The following AKNAD1 variants were observed in gnomAD, a reference collection of about 807,000 sequenced individuals.
AKNAD1 encodes AKNA domain containing 1.
Under a neutral mutation model 90.8 loss-of-function variants are expected in AKNAD1, and 67 were observed. The ratio of observed to expected loss-of-function variants is 0.74; its 90% confidence interval spans 0.61 to 0.90. The LOEUF is 0.90. AKNAD1 is among the 40% of genes least tolerant of loss of function. AKNAD1 has a pLI of 0.00. For synonymous variants in AKNAD1, 327 were observed against 341.4 expected (o/e 0.96, Z 0.46); for missense variants, 957 against 975.4 (o/e 0.98, Z 0.25).
chr1:108,820,506 T>C (rs200329480), intron 14 of AKNAD1, 39 bp downstream of exon 14: 137 of 1,353,818 alleles, frequency 1.0e-4, no homozygotes, highest in Admixed American at 1.5e-4. Context: ...ACCCAACCAA[T>C]GAGAAATATT....
chr1:108,823,504 T>C lies in AKNAD1; in HGVS notation c.2060-27A>G, dbSNP rs140828781. On this transcript the variant is annotated intron_variant, in intron 12 of 15. Coordinates refer to ENST00000370001, the MANE Select transcript of AKNAD1 (RefSeq NM_152763.5). ...TGGGAAGAAAAGATTAAAAATACAG[T>C]TAATTGCCTGGGAACAGTGACTGTC... 972 of 1,611,282 alleles carry C rather than the reference T, an allele frequency of 6.0e-4. 3 individuals carry two copies. In the African/African-American group the frequency reaches 0.012, roughly 19 times the overall value.
chr1:108,816,987 T>C (rs1663632412), intron 15 of AKNAD1, 61 bp downstream of exon 15: 2 of 1,592,286 alleles, frequency 1.3e-6, no homozygotes, highest in Admixed American at 1.7e-5. Flanking sequence ...GCCAGTTCTG[T>C]GGGCATCAAG....
chr1:108,820,764 G>C (rs1443872206), intron 13 of AKNAD1, 138 bp from the exon 14 acceptor site: 1 of 586,392 alleles, frequency 1.7e-6, no homozygotes, highest in East Asian at 2.9e-5. Flanking sequence ...GGGAAACATA[G>C]ACAACAAAGA....
chr1:108,855,734 C>T (rs371790792), intron 1 of AKNAD1, among the ~76,000 whole-genome samples: 3 of 151,682 alleles, frequency 2.0e-5, no homozygotes, highest in East Asian at 1.9e-4. Context: ...TGCAGTGAGC[C>T]GAGATCATGC....
chr1:108,843,547 G>T (rs1664616080), intron 5 of AKNAD1, among the ~76,000 whole-genome samples: 1 of 152,194 alleles, frequency 6.6e-6, no homozygotes, highest in South Asian at 2.1e-4. Context: ...GCCTTCCTTA[G>T]TGGGACATTC....
intron 13 of AKNAD1, among the ~76,000 whole-genome samples, chr1:108,822,672 G>A (rs1663854739): frequency 6.6e-6 from 1 of 152,156 alleles, no homozygotes; most frequent in South Asian, 2.1e-4. Flanking sequence ...CTGAAGGTAT[G>A]AGGCCAAGGA....
intron 14 of AKNAD1, among the ~76,000 whole-genome samples, chr1:108,817,733 C>G (rs939331992): frequency 2.0e-5 from 3 of 151,590 alleles, no homozygotes; most frequent in Non-Finnish European, 4.4e-5. Context: ...TCTCGATCTC[C>G]TGACCTCGTG....
chr1:108,839,795 A>G (rs1664484774), intron 6 of AKNAD1, among the ~76,000 whole-genome samples: 1 of 152,128 alleles, frequency 6.6e-6, no homozygotes, highest in Admixed American at 6.5e-5. Context: ...ACAGTGTGGG[A>G]GTATCACTTG....
chr1:108,821,422 G>C (rs888947513), intron 13 of AKNAD1, among the ~76,000 whole-genome samples: 27 of 152,026 alleles, frequency 1.8e-4, no homozygotes, highest in African/African-American at 6.5e-4. Context: ...CTGCACTCCA[G>C]CCTGGGTGAC....
rs749175799 is a variant in AKNAD1, at chr1:108,830,588, G to T, written c.1809C>A (p.Ser603Arg). ...CAAGGAGCCTGCGACAGAAGGCACA[G>T]CTCGGACTGGGTGCCGTCATCTCTG... is the stretch of plus-strand genomic sequence containing the variant. The part of the protein sequence containing the change: ...DCAEMTAPSP[S>R]CAFCRRLLEW... Residue 603 changes from serine to arginine, a missense_variant, in exon 10 of 16, where the codon AGC becomes AGA. Physicochemically the swap from Ser to Arg is moderately radical, Grantham distance 110 (BLOSUM62 -1). Transcript: ENST00000370001. 6.2e-7 allele frequency: 1 copy of T among 1,614,068 alleles called. No individual in the cohort carries two copies.
chr1:108,832,286 G>A (rs552256246), intron 9 of AKNAD1, among the ~76,000 whole-genome samples: 45 of 146,292 alleles, frequency 3.1e-4, no homozygotes, highest in Non-Finnish European at 5.1e-4. Context: ...CGCAATCTTG[G>A]CTCACTGCAA....
Position 108,837,533 on chromosome 1 carries a change from G to A in AKNAD1, c.1536+17C>T. ...ATTTTTCCTGGCACAAAATTAGACT[G>A]TACATTGCTGTATTACCTCATTTGA... is the stretch of plus-strand genomic sequence containing the variant. On this transcript the variant is annotated intron_variant, in intron 7 of 15. Coordinates refer to ENST00000370001, the MANE Select transcript of AKNAD1 (RefSeq NM_152763.5). 3.7e-6 allele frequency: 6 copies of A among 1,613,094 alleles called. No homozygotes were observed. The highest frequency in any genetic ancestry group is 5.1e-6 in the Non-Finnish European group (6 of 1,179,332).
intron 6 of AKNAD1, among the ~76,000 whole-genome samples, chr1:108,841,014 T>C (rs2101198287): frequency 6.6e-6 from 1 of 151,894 alleles, no homozygotes; most frequent in East Asian, 1.9e-4. Context: ...TTACTAAAAA[T>C]ATGAAAAAAT....
rs563941883 is a variant in AKNAD1, at chr1:108,835,786, G to A, written c.1537-730C>T. 1.2e-3 allele frequency among the ~76,000 whole-genome samples: 184 copies of A among 151,756 alleles called. No individual in the cohort carries two copies. The Middle Eastern group carries it at 0.024, about 20-fold the overall frequency. On this transcript the variant is annotated intron_variant, in intron 7 of 15. Coordinates refer to ENST00000370001, the MANE Select transcript of AKNAD1 (RefSeq NM_152763.5). ...ATTACAGGCGCCCGCCACCACGCCC[G>A]GCTAATTTTTTGTATCTTTAGTAGA...
Position 108,817,183 on chromosome 1 carries a change from A to C in AKNAD1, c.2250-6T>G. The C allele has an allele frequency of 1.9e-6, 3 of 1,613,872 alleles. No homozygotes were observed. The highest frequency in any genetic ancestry group is 2.5e-6 in the Non-Finnish European group (3 of 1,179,888). On this transcript the variant is annotated splice_polypyrimidine_tract_variant and splice_region_variant and intron_variant, in intron 14 of 15. Coordinates refer to ENST00000370001, the MANE Select transcript of AKNAD1 (RefSeq NM_152763.5). The stretch of plus-strand genomic sequence containing the variant: ...TGAAAGCCTGAAGTTTTTTTCTGGA[A>C]GACAAAAGCACATTGATACTTGTGT...
intron 7 of AKNAD1, chr1:108,837,213 G>C (rs551801093): frequency 1.5e-5 from 3 of 193,896 alleles, no homozygotes; most frequent in African/African-American, 7.1e-5. Context: ...AGCCTGGTGA[G>C]TACAAAACTA....
chr1:108,820,226 A>T (rs1371232176), intron 14 of AKNAD1, among the ~76,000 whole-genome samples: 1 of 152,134 alleles, frequency 6.6e-6, no homozygotes, highest in African/African-American at 2.4e-5. Context: ...TGAGCCCCCA[A>T]ATTAGATCAA....
chr1:108,830,042 G>C (rs1664135755), intron 10 of AKNAD1, among the ~76,000 whole-genome samples: 1 of 152,204 alleles, frequency 6.6e-6, no homozygotes, highest in Non-Finnish European at 1.5e-5. Flanking sequence ...CCTGAGAAGA[G>C]GGATGAGGCT....
chr1:108,818,643 T>C, intron 14 of AKNAD1, among the ~76,000 whole-genome samples: 1 of 152,128 alleles, frequency 6.6e-6, no homozygotes, highest in African/African-American at 2.4e-5. Context: ...TCAAGGAACC[T>C]GCCCAAGGAC....
Sources: gnomAD v4.1 joint callset for allele counts (sites outside exome capture counted in the v4.1 genomes callset) on GRCh38, gnomAD v4.1.1 for gene constraint, MANE v1.5 for transcripts, NCBI Gene and HGNC (gene_info 2026-07-23, HGNC 2026-07-21) for gene names.